Variants in GSN observed in about 807,000 individuals in gnomAD.
The protein encoded by GSN is actin-depolymerizing factor.
In GSN, 56 loss-of-function variants were observed where a neutral mutation model predicts 85.7. The observed-to-expected ratio is 0.65, with a 90% CI of 0.53 to 0.82. GSN has a LOEUF of 0.82. Ranked by LOEUF, GSN falls within the 40% of genes least tolerant of loss-of-function variation. The probability of loss-of-function intolerance (pLI) is 0.00; values close to 1 mark genes in which losing one functional copy is unlikely to be tolerated. For missense variants in GSN, 857 were observed against 979.8 expected, an observed-to-expected ratio of 0.87 and a Z score of 1.67; for synonymous variants, 373 against 399.1, an observed-to-expected ratio of 0.93 and a Z score of 0.78.
chr9:121,238,806 A>G (rs556747430), intron 5 of GSN: 8 of 520,708 alleles, frequency 1.5e-5, no homozygotes, highest in Non-Finnish European at 3.1e-5. Context: ...TTCCAAGTCA[A>G]GAAGATCATC....
rs201713740 is a variant in GSN, at chr9:121,304,222, CAGAT to C, written c.351+1160_351+1163del. On this transcript the variant is annotated intron_variant, in intron 4 of 17. Transcript: ENST00000432226. ...ATGATGGGAAAGTGCCAGTGAGACTCAGATAGCAATGGGCAGGGTGTGTCCTGGG... is the reference window on the plus strand; with the variant it reads ...ATGATGGGAAAGTGCCAGTGAGACTCAGCAATGGGCAGGGTGTGTCCTGGG... 7.4e-3 allele frequency among the ~76,000 whole-genome samples: 1,128 copies of C among 152,306 alleles called. 17 individuals carry two copies. Among genetic ancestry groups the C allele is most frequent in the African/African-American group, 0.026 (1,084 of 41,550 alleles).
rs985808412 is a variant in GSN at position 121,295,779 on chromosome 9, G to A, written c.-9-6184G>A. ...AGAGAATCTGCCTACTGTGTGCCTG[G>A]AGCTGGGCAGGATCCAGGAATAGCC... On this transcript the variant is annotated intron_variant, in intron 2 of 17. Transcript: ENST00000432226. 2.6e-5 allele frequency among the ~76,000 whole-genome samples: 4 copies of A among 152,338 alleles called. No individual in the cohort carries two copies. The South Asian group carries it at 8.3e-4, about 32-fold the overall frequency.
upstream of GSN, among the ~76,000 whole-genome samples, chr9:121,263,664 G>T (rs377733020): frequency 5.3e-5 from 8 of 152,090 alleles, no homozygotes; most frequent in African/African-American, 1.9e-4. Context: ...GCTGAGGCAG[G>T]TGGATCACCT....
rs558234872 is a variant in GSN, at chr9:121,230,611, G to C, written c.-527-554G>C. Among the ~76,000 whole-genome samples the C allele has an allele frequency of 6.6e-5, 10 of 152,212 alleles. No individual in the cohort carries two copies. In the South Asian group the frequency reaches 2.1e-3, roughly 32 times the overall value. ...CAGATTCAGCCCTTGTGTGTCTCTG[G>C]GTAAGTTACTTCACCTTGTTGAATC... On this transcript the variant is annotated intron_variant, in intron 4 of 24. Transcript: ENST00000373823.
intron 4 of GSN, among the ~76,000 whole-genome samples, chr9:121,306,338 T>C (rs2060417958): frequency 6.6e-6 from 1 of 152,252 alleles, no homozygotes; most frequent in Admixed American, 6.5e-5. Flanking sequence ...TCATTTTTCT[T>C]TGTTTTAGAA....
At chr9:121,302,251 C>A in intron 3 of GSN, 84 bp downstream of exon 3, 1 of 1,450,372 alleles carries the variant, frequency 6.9e-7, no homozygotes, top group Non-Finnish European at 9.6e-7. Flanking sequence ...AGGGAGGGAA[C>A]TGATTATTGA....
At chr9:121,298,700 C>G (rs1406467847) in intron 2 of GSN, among the ~76,000 whole-genome samples, 1 of 152,222 alleles carries the variant, frequency 6.6e-6, no homozygotes, top group Non-Finnish European at 1.5e-5. Flanking sequence ...CTCTCCAGTC[C>G]TCTTTCCTGT....
intron 4 of GSN, among the ~76,000 whole-genome samples, chr9:121,225,110 T>C (rs1203066708): frequency 2.6e-5 from 4 of 152,180 alleles, no homozygotes; most frequent in East Asian, 1.9e-4. Context: ...TGAGCTACCA[T>C]GCCCAGCCAA....
Position 121,310,757 on chromosome 9 carries a change from A to G in GSN, c.425A>G (p.Lys142Arg), listed in dbSNP as rs2061023388. 1 of 1,614,116 alleles carries G rather than the reference A, an allele frequency of 6.2e-7. No homozygotes were observed. Among genetic ancestry groups the G allele is most frequent in the Non-Finnish European group, 8.5e-7 (1 of 1,179,980 alleles). Residue 142 changes from lysine to arginine, a missense_variant, in exon 5 of 18, where the codon AAA (lysine) becomes AGA (arginine). Physicochemically the swap from Lys to Arg is conservative, Grantham distance 26. Transcript: ENST00000432226. The part of the protein sequence containing the change: ...EVVVQRLFQV[K>R]GRRVVRATEV... Reference sequence around the variant, plus strand: ...GTGGTGCAGAGACTCTTCCAGGTCAAAGGGCGGCGTGTGGTCCGTGCCACC... The same window carrying G: ...GTGGTGCAGAGACTCTTCCAGGTCAGAGGGCGGCGTGTGGTCCGTGCCACC...
At chr9:121,218,540 C>T (rs1008816777) in intron 4 of GSN, among the ~76,000 whole-genome samples, 3 of 152,304 alleles carry the variant, frequency 2.0e-5, no homozygotes, top group Admixed American at 6.5e-5. Flanking sequence ...GAGGCTGAGT[C>T]ACGAGAATCA....
In GSN at chr9:121,257,139, TA is replaced by T. The variant is rs902635503; in HGVS notation, c.-340-8007del. 1.1e-4 allele frequency among the ~76,000 whole-genome samples: 16 copies of T among 151,808 alleles called. No individual in the cohort carries two copies. In the East Asian group the frequency reaches 1.2e-3, roughly 11 times the overall value. On this transcript the variant is annotated intron_variant, in intron 6 of 24. Coordinates refer to the GSN transcript ENST00000373823. The stretch of plus-strand genomic sequence containing the variant: ...ATATGTACAACTATTATTTATCAAT[TA>T]AAAAAAAGAGTAAGAAACAGGAAAT...
In GSN at chr9:121,318,974, G is replaced by A. The variant is rs2062049683; in HGVS notation, c.1191+94G>A. 9.7e-7 allele frequency: 1 copy of A among 1,030,936 alleles called. No individual in the cohort carries two copies. Among genetic ancestry groups the A allele is most frequent in the South Asian group, 1.3e-5 (1 of 74,298 alleles). 63.9% of individuals were successfully genotyped at this position (1,030,936 alleles called of 1,614,324 possible). ...TTCCCCAAGGAGGTTTCTCTCTGAG[G>A]TTTGCACAACTTTGGTAGCTGAGAT... On this transcript the variant is annotated intron_variant, in intron 10 of 17. Transcript: ENST00000432226. The surrounding 1 kb of genome is among the most constrained non-coding windows in gnomAD (Gnocchi z 4.3).
intron 10 of GSN, among the ~76,000 whole-genome samples, chr9:121,320,251 A>C (rs1242941923): frequency 6.6e-6 from 1 of 152,172 alleles, no homozygotes; most frequent in Non-Finnish European, 1.5e-5. Context: ...CCTCGTGACC[A>C]CTTGGAAAAA....
chr9:121,316,031 A>G (rs955284796), intron 7 of GSN, among the ~76,000 whole-genome samples: 5 of 152,224 alleles, frequency 3.3e-5, no homozygotes, highest in Non-Finnish European at 7.3e-5. Flanking sequence ...CATGTAGAAT[A>G]ATTATTATTT....
chr9:121,206,406 A>G (rs974593907), upstream of GSN, among the ~76,000 whole-genome samples: 13 of 152,328 alleles, frequency 8.5e-5, no homozygotes, highest in Non-Finnish European at 4.4e-5. Context: ...AAAAAGGATT[A>G]GATTCAACTT....
At chr9:121,325,402 G>T (rs2063034372) in intron 12 of GSN, among the ~76,000 whole-genome samples, 1 of 152,122 alleles carries the variant, frequency 6.6e-6, no homozygotes, top group Non-Finnish European at 1.5e-5. Flanking sequence ...GGTGGGAGGG[G>T]GCATTGGGTG....
intron 5 of GSN, chr9:121,311,979 T>C (rs907728278): frequency 4.0e-6 from 1 of 249,922 alleles, no homozygotes; most frequent in African/African-American, 2.3e-5. Flanking sequence ...AGAAGGAGGA[T>C]TGCTGGGTCA....
chr9:121,236,763 C>T (rs992605538), intron 5 of GSN, among the ~76,000 whole-genome samples: 28 of 152,090 alleles, frequency 1.8e-4, no homozygotes, highest in African/African-American at 4.8e-4. Flanking sequence ...AATAAAACTC[C>T]AAAACTTCTA....
chr9:121,329,100 C>G lies in GSN; in HGVS notation c.1887+85C>G. 1 of 1,569,586 alleles carries G rather than the reference C, an allele frequency of 6.4e-7. No individual in the cohort carries two copies. ...TGGCCGGCAGCAGGGGCAGGAGAAACAGTTCTGATGGTGTGGCACAGAGGA... is the reference window on the plus strand; with the variant it reads ...TGGCCGGCAGCAGGGGCAGGAGAAAGAGTTCTGATGGTGTGGCACAGAGGA... On this transcript the variant is annotated intron_variant, in intron 15 of 17. Coordinates refer to ENST00000432226, the MANE Select transcript of GSN (RefSeq NM_198252.3). This position sits in a 1 kb window ranked among gnomAD's most constrained non-coding sequence, Gnocchi z 4.6.
Sources: gnomAD v4.1 joint callset for allele counts (sites outside exome capture counted in the v4.1 genomes callset) on GRCh38, gnomAD v4.1.1 for gene constraint, Gnocchi (gnomAD v3.1) non-coding constraint, MANE v1.5 for transcripts, NCBI Gene and HGNC (gene_info 2026-07-23, HGNC 2026-07-21) for gene names.